SATB2: variants seen among roughly 807,000 people sequenced by gnomAD.
The protein encoded by SATB2 is DNA-binding protein SATB2.
SATB2 carries 1 observed loss-of-function variant against 73.4 expected under a neutral mutation model. That is an observed-to-expected ratio of 0.01 (90% CI 0.00 to 0.06). The LOEUF is 0.06. Among genes scored for constraint, SATB2 ranks in the 10% least tolerant of loss-of-function variants. The probability of loss-of-function intolerance (pLI) is 1.00; values close to 1 mark genes in which losing one functional copy is unlikely to be tolerated. For synonymous variants in SATB2, 397 were observed against 367.0 expected, an observed-to-expected ratio of 1.08 and a Z score of -0.93; for missense variants, 459 against 945.8, an observed-to-expected ratio of 0.49 and a Z score of 6.75.
At chr2:199,418,810 A>G (rs1235251627) in intron 3 of SATB2, among the ~76,000 whole-genome samples, 5 of 152,198 alleles carry the variant, frequency 3.3e-5, no homozygotes, top group Non-Finnish European at 7.3e-5. Flanking sequence ...CTGGAATCAG[A>G]TGCAAAAGAG....
In SATB2 at chr2:199,349,023, T is replaced by C; in HGVS notation, c.851A>G (p.Asn284Ser). Residue 284 changes from asparagine to serine, a missense_variant, in exon 7 of 11, where the codon AAC (asparagine) becomes AGC (serine). This residue lies in a region of SATB2 where 77 missense variants were observed against 90.4 expected (regional missense o/e 0.85). Transcript: ENST00000417098. ...SQIHHSTPIR[N>S]QVPALQPIMS... The stretch of plus-strand genomic sequence containing the variant: ...GATGGGCTGTAATGCGGGCACTTGG[T>C]TTCGGATTGGAGTACTGTGGTGAAT... 1.2e-6 allele frequency: 2 copies of C among 1,614,054 alleles called. No individual in the cohort carries two copies.
At chr2:199,335,753 A>T in intron 7 of SATB2, among the ~76,000 whole-genome samples, 1 of 152,226 alleles carries the variant, frequency 6.6e-6, no homozygotes, top group East Asian at 1.9e-4. Flanking sequence ...CCTGCTGAAA[A>T]CAAGATAACT....
At position 199,272,234 on chromosome 2, in the gene SATB2, G is replaced by A. The variant is rs1392711751; in HGVS notation, c.2179C>T (p.Pro727Ser). 3.7e-6 allele frequency: 6 copies of A among 1,614,120 alleles called. No individual in the cohort carries two copies. The highest frequency in any genetic ancestry group is 5.1e-6 in the Non-Finnish European group (6 of 1,179,990). ...CATTATCTCTGGTCAATTTCGGCAG[G>A]TGCTGCCTTGCTTTTGTCAGCATTT... Reference protein sequence around the residue: ...EENADKSKAAPAEIDQR With the variant: ...EENADKSKAASAEIDQR Residue 727 changes from proline (P) to serine (S), a missense_variant, in exon 11 of 11, where the codon CCT becomes TCT. Coordinates refer to ENST00000417098, the MANE Select transcript of SATB2 (RefSeq NM_001172509.2). This position sits in a 1 kb window ranked among gnomAD's most constrained non-coding sequence, Gnocchi z 6.7.
intron 10 of SATB2, among the ~76,000 whole-genome samples, chr2:199,277,806 G>A (rs908291360): frequency 1.3e-5 from 2 of 152,142 alleles, no homozygotes; most frequent in Admixed American, 1.3e-4. Context: ...AATTTTCACA[G>A]TACTCTTAGA....
At chr2:199,436,511 G>C (rs1691657829) in intron 2 of SATB2, among the ~76,000 whole-genome samples, 1 of 151,902 alleles carries the variant, frequency 6.6e-6, no homozygotes, top group Non-Finnish European at 1.5e-5. Flanking sequence ...TATGATAATA[G>C]GGTTTCTTCT....
chr2:199,278,941 C>A (rs890960916), intron 10 of SATB2, among the ~76,000 whole-genome samples: 6 of 152,126 alleles, frequency 3.9e-5, no homozygotes, highest in Admixed American at 1.3e-4. Flanking sequence ...TATGGAGTAT[C>A]TACAATAATT....
chr2:199,301,688 T>C (rs1285841737), intron 10 of SATB2, among the ~76,000 whole-genome samples: 1 of 152,034 alleles, frequency 6.6e-6, no homozygotes, highest in Non-Finnish European at 1.5e-5. Context: ...GACAAAGGCA[T>C]GGTAAAAAGT....
upstream of SATB2, among the ~76,000 whole-genome samples, chr2:199,467,244 T>A (rs1185185480): frequency 1.3e-5 from 2 of 152,252 alleles, no homozygotes; most frequent in Non-Finnish European, 1.5e-5. Context: ...GTGGATAACT[T>A]CTGCGGATTC....
chr2:199,407,594 G>A (rs1690672983), intron 3 of SATB2, among the ~76,000 whole-genome samples: 1 of 152,156 alleles, frequency 6.6e-6, no homozygotes, highest in Admixed American at 6.5e-5. Context: ...GACAACTGCT[G>A]TGGGAGATGA....
intron 10 of SATB2, among the ~76,000 whole-genome samples, chr2:199,299,433 C>A (rs1230246241): frequency 6.6e-6 from 1 of 152,116 alleles, no homozygotes; most frequent in East Asian, 1.9e-4. Flanking sequence ...ATTACCTGTC[C>A]ATTCTAGAAA....
chr2:199,324,831 G>T (rs768807965), intron 8 of SATB2, among the ~76,000 whole-genome samples: 6 of 152,138 alleles, frequency 3.9e-5, no homozygotes, highest in Non-Finnish European at 7.4e-5. Context: ...ACCTCTGGCA[G>T]CAAGATTTCA....
At chr2:199,280,495 G>A (rs558350321) in intron 10 of SATB2, among the ~76,000 whole-genome samples, 154 of 152,272 alleles carry the variant, frequency 1.0e-3, no homozygotes, top group African/African-American at 3.4e-3. Flanking sequence ...CATATTTCTC[G>A]TCTTTCAAAA....
chr2:199,315,000 C>T (rs1037069211), intron 9 of SATB2, among the ~76,000 whole-genome samples: 7 of 151,944 alleles, frequency 4.6e-5, no homozygotes, highest in African/African-American at 1.7e-4. Context: ...ACTTGTGTGG[C>T]TTGGTATTAA....
intron 2 of SATB2, among the ~76,000 whole-genome samples, chr2:199,437,328 T>C (rs1691681575): frequency 6.6e-6 from 1 of 152,202 alleles, no homozygotes; most frequent in African/African-American, 2.4e-5. Flanking sequence ...ATGAATTCTG[T>C]TGTCAAAGAG....
At chr2:199,422,061 T>C (rs1691187752) in intron 3 of SATB2, among the ~76,000 whole-genome samples, 1 of 152,174 alleles carries the variant, frequency 6.6e-6, no homozygotes, top group Admixed American at 6.5e-5. Context: ...TCTCATTTGA[T>C]TTGAAAATCC....
chr2:199,449,121 C>T (rs1401241373), intron 2 of SATB2, among the ~76,000 whole-genome samples: 1 of 152,086 alleles, frequency 6.6e-6, no homozygotes, highest in Non-Finnish European at 1.5e-5. Context: ...ATAACCATAA[C>T]ATCCACTTGT....
chr2:199,451,614 C>T (rs1360271654), intron 2 of SATB2, among the ~76,000 whole-genome samples: 1 of 151,934 alleles, frequency 6.6e-6, no homozygotes, highest in Non-Finnish European at 1.5e-5. Context: ...TCAATATATA[C>T]CTATCTATAC....
intron 2 of SATB2, among the ~76,000 whole-genome samples, chr2:199,453,420 AT>A (rs1011186783): frequency 2.6e-5 from 4 of 152,060 alleles, no homozygotes; most frequent in Non-Finnish European, 5.9e-5. Flanking sequence ...AGAGCTATAA[AT>A]ACTTGTGTAG....
rs768080548 is a variant in SATB2, at chr2:199,349,015, G to A, written c.859C>T (p.Pro287Ser). Reference sequence around the variant, plus strand: ...GGGCTCATGATGGGCTGTAATGCGGGCACTTGGTTTCGGATTGGAGTACTG... The same window carrying A: ...GGGCTCATGATGGGCTGTAATGCGGACACTTGGTTTCGGATTGGAGTACTG... ...HHSTPIRNQV[P>S]ALQPIMSPGL... The change falls in exon 7 of 11, where the codon CCC becomes TCC. Residue 287 changes from proline to serine, a missense_variant. This residue lies in a region of SATB2 where 77 missense variants were observed against 90.4 expected (regional missense o/e 0.85). Transcript: ENST00000417098. The A allele has an allele frequency of 6.2e-7, 1 of 1,614,138 alleles. No homozygotes were observed. The highest frequency in any genetic ancestry group is 1.7e-5 in the Admixed American group (1 of 60,012).
Sources: allele counts gnomAD v4.1 joint callset (sites outside exome capture counted in the v4.1 genomes callset), GRCh38; gene constraint gnomAD v4.1.1; regional missense constraint gnomAD v4.1.1; non-coding constraint Gnocchi (gnomAD v3.1); transcripts MANE v1.5; gene names NCBI Gene and HGNC (gene_info 2026-07-23, HGNC 2026-07-21).